ANKMY2: variants seen among roughly 807,000 people sequenced by gnomAD.
ANKMY2 encodes ankyrin repeat and MYND domain-containing protein 2.
In ANKMY2, 36 loss-of-function variants were observed where a neutral mutation model predicts 50.4. The ratio of observed to expected loss-of-function variants is 0.71; its 90% CI spans 0.55 to 0.94. The LOEUF (loss-of-function observed/expected upper bound fraction) is 0.94. ANKMY2 is among the 40% of genes least tolerant of loss of function. The pLI is 0.00. For missense variants in ANKMY2, 565 were observed against 524.0 expected, an observed-to-expected ratio of 1.08 and a Z score of -0.76; for synonymous variants, 187 against 178.8, an observed-to-expected ratio of 1.05 and a Z score of -0.36.
At chr7:16,608,652 T>C (rs773392527) in intron 7 of ANKMY2, among the ~76,000 whole-genome samples, 3 of 152,166 alleles carry the variant, frequency 2.0e-5, no homozygotes, top group Non-Finnish European at 4.4e-5. Context: ...AAGTTTTTGA[T>C]TGAAACGTAT....
At chr7:16,614,877 T>C (rs1247922665) in intron 5 of ANKMY2, among the ~76,000 whole-genome samples, 2 of 152,218 alleles carry the variant, frequency 1.3e-5, no homozygotes, top group South Asian at 2.1e-4. Context: ...GAAATTGAAA[T>C]AGGACCTCAT....
At chr7:16,617,239 C>T (rs952800258) in intron 4 of ANKMY2, among the ~76,000 whole-genome samples, 3 of 152,086 alleles carry the variant, frequency 2.0e-5, no homozygotes, top group South Asian at 2.1e-4. Flanking sequence ...TATTCATAAC[C>T]CACTTGCATT....
At chr7:16,617,917 GTTTTTTTTTTTT>G (rs780533044) in intron 4 of ANKMY2, among the ~76,000 whole-genome samples, 6 of 110,900 alleles carry the variant, frequency 5.4e-5, no homozygotes, top group African/African-American at 1.8e-4. Context: ...CAGTGAGCGT[GTTTTTTTTTTTT>G]TTTTTTTTTT....
Position 16,645,520 on chromosome 7 carries a change from T to A in ANKMY2, c.54A>T (p.Glu18Asp). ...ELTQEEKELL[E>D]VIGKGTVQEA... ...CAGCACCCGTACCTTTCCCGATGAC[T>A]TCCAGTAGCTCCTTCTCCTCCTGGG... Residue 18 changes from glutamate (E) to aspartate (D), a missense_variant, in exon 1 of 10, where the codon GAA becomes GAT. Transcript: ENST00000306999. 4 of 1,611,452 alleles carry A rather than the reference T, an allele frequency of 2.5e-6. No individual in the cohort carries two copies. The highest frequency in any genetic ancestry group is 3.4e-6 in the Non-Finnish European group (4 of 1,178,830).
chr7:16,635,640 G>A (rs1228186356), intron 2 of ANKMY2, among the ~76,000 whole-genome samples: 3 of 152,134 alleles, frequency 2.0e-5, no homozygotes, highest in Non-Finnish European at 4.4e-5. Context: ...GTAATGCTCA[G>A]ATGTTACCAC....
chr7:16,602,601 G>A, intron 8 of ANKMY2, 92 bp from the exon 9 acceptor site: 2 of 1,436,634 alleles, frequency 1.4e-6, no homozygotes, highest in Non-Finnish European at 1.9e-6. Context: ...CTATAAAAAT[G>A]TCATTTTCCA....
chr7:16,605,900 G>A (rs759628683), intron 7 of ANKMY2, among the ~76,000 whole-genome samples: 25 of 151,938 alleles, frequency 1.6e-4, no homozygotes, highest in South Asian at 4.1e-4. Context: ...AGCCAGGATG[G>A]TCTTGATCTC....
intron 5 of ANKMY2, among the ~76,000 whole-genome samples, chr7:16,612,796 G>T (rs1781276404): frequency 6.6e-6 from 1 of 152,014 alleles, no homozygotes. Context: ...ATTTGTACTT[G>T]TTTCCTTCCT....
At position 16,610,555 on chromosome 7, in the gene ANKMY2, A is replaced by T. The variant is rs1261582231; in HGVS notation, c.740T>A (p.Ile247Asn). The stretch of plus-strand genomic sequence containing the variant: ...GACATAGTAAAAAGAGTACCTTTTG[A>T]TCAAGGTGTCCAGTTTATTCTCTCC... ...KDGENKLDTLIKSLLKGRASD... is the reference protein window; with the variant it reads ...KDGENKLDTLNKSLLKGRASD... Residue 247 changes from isoleucine (I) to asparagine (N), a missense_variant, in exon 6 of 10, where the codon ATC becomes AAC. Transcript: ENST00000306999. 1 of 1,608,552 alleles carries T rather than the reference A, an allele frequency of 6.2e-7. No individual in the cohort carries two copies. The highest frequency in any genetic ancestry group is 8.5e-7 in the Non-Finnish European group (1 of 1,176,298).
At chr7:16,614,006 A>G (rs1781300587) in intron 5 of ANKMY2, among the ~76,000 whole-genome samples, 1 of 152,194 alleles carries the variant, frequency 6.6e-6, no homozygotes, top group African/African-American at 2.4e-5. Context: ...TGAATCAGAA[A>G]AGTACAGGGA....
chr7:16,645,392 C>G (rs986847327), intron 1 of ANKMY2, 115 bp downstream of exon 1: 1 of 1,043,760 alleles, frequency 9.6e-7, no homozygotes, highest in African/African-American at 1.7e-5. Flanking sequence ...CGGTTCCAGG[C>G]TGCAAACCTT....
At chr7:16,621,583 T>C (rs1000105163) in intron 4 of ANKMY2, among the ~76,000 whole-genome samples, 1 of 152,148 alleles carries the variant, frequency 6.6e-6, no homozygotes, top group African/African-American at 2.4e-5. Flanking sequence ...AACTGAAGGA[T>C]ATTTAGGAGA....
chr7:16,607,767 G>A (rs1781184989), intron 7 of ANKMY2, among the ~76,000 whole-genome samples: 1 of 149,990 alleles, frequency 6.7e-6, no homozygotes, highest in East Asian at 2.0e-4. Flanking sequence ...ATTTGTGAGT[G>A]CTGGAAATCC....
chr7:16,606,020 T>C (rs181514041), intron 7 of ANKMY2, among the ~76,000 whole-genome samples: 1 of 152,074 alleles, frequency 6.6e-6, no homozygotes, highest in Non-Finnish European at 1.5e-5. Flanking sequence ...GATTTCACCA[T>C]GTTGGCCAGG....
chr7:16,616,822 C>A (rs2128343359), intron 4 of ANKMY2, among the ~76,000 whole-genome samples: 1 of 152,378 alleles, frequency 6.6e-6, no homozygotes, highest in Middle Eastern at 3.4e-3. Flanking sequence ...GCCTGCATGG[C>A]CCCTGCCTGC....
chr7:16,642,701 T>A (rs1781762299), intron 1 of ANKMY2, among the ~76,000 whole-genome samples: 1 of 152,178 alleles, frequency 6.6e-6, no homozygotes, highest in East Asian at 1.9e-4. Flanking sequence ...TGCCTCTTTT[T>A]GGCACAAATA....
chr7:16,609,672 T>A lies in ANKMY2; in HGVS notation c.840A>T (p.Thr280=). ...SIRKFPYCEA[T]LLQQLVRSIA... is the part of the protein sequence containing the mutation. ...TGCTTCGAACCAGCTGCTGGAGGAG[T>A]GTAGCTTCACAGTAAGGAAATTTTC... The change falls in exon 7 of 10, where the codon ACA becomes ACT. Residue 280 remains threonine, a synonymous_variant. Transcript: ENST00000306999. 1 of 1,611,892 alleles carries A rather than the reference T, an allele frequency of 6.2e-7. No homozygotes were observed. The highest frequency in any genetic ancestry group is 8.5e-7 in the Non-Finnish European group (1 of 1,179,268).
At chr7:16,625,184 G>A (rs1781492617) in intron 3 of ANKMY2, 103 bp from the exon 4 acceptor site, 1 of 797,454 alleles carries the variant, frequency 1.3e-6, no homozygotes. Flanking sequence ...TTAGTTTTAG[G>A]TTTCTGTCAT....
intron 5 of ANKMY2, 127 bp from the exon 6 acceptor site, chr7:16,610,890 T>A (rs1449214284): frequency 3.8e-6 from 3 of 789,950 alleles, no homozygotes; most frequent in Non-Finnish European, 5.9e-6. Context: ...GAAGTTATTA[T>A]GTTATTTGTT....
Sources: allele counts gnomAD v4.1 joint callset (sites outside exome capture counted in the v4.1 genomes callset), GRCh38; gene constraint gnomAD v4.1.1; transcripts MANE v1.5; gene names NCBI Gene and HGNC (gene_info 2026-07-23, HGNC 2026-07-21).